Variants in MACROD2 observed in about 807,000 individuals in gnomAD.
MACROD2 encodes the protein ADP-ribose glycohydrolase MACROD2.
A neutral mutation model predicts 70.4 loss-of-function variants in MACROD2; 36 were observed. That is an observed-to-expected ratio of 0.51 (90% CI 0.39 to 0.68). The LOEUF is 0.68. Ranked by LOEUF, MACROD2 falls within the 30% of genes least tolerant of loss-of-function variation. MACROD2 has a pLI of 0.00. For synonymous variants in MACROD2, 172 were observed against 178.8 expected (o/e 0.96, Z 0.30); for missense variants, 496 against 538.4 (o/e 0.92, Z 0.78).
chr20:15,600,200 C>G (rs992245184), intron 8 of MACROD2, among the ~76,000 whole-genome samples: 1 of 152,162 alleles, frequency 6.6e-6, no homozygotes, highest in Non-Finnish European at 1.5e-5. Flanking sequence ...CTAGGTGACA[C>G]TGCTGCTGTG....
Position 15,886,368 on chromosome 20 carries a change from A to G in MACROD2, c.775+557A>G, listed in dbSNP as rs1032929753. Among the ~76,000 whole-genome samples, 6 of 152,248 alleles carry G rather than the reference A, an allele frequency of 3.9e-5. No individual in the cohort carries two copies. In the South Asian group the frequency reaches 1.2e-3, roughly 32 times the overall value. ...AGCTTCCAAAATGAGCTTCTCCTGG[A>G]AAAAGGGAGACACTGTATTCTCAGG... On this transcript the variant is annotated intron_variant, in intron 10 of 17. Transcript: ENST00000684519.
chr20:15,224,863 G>A (rs1601254941), intron 5 of MACROD2, among the ~76,000 whole-genome samples: 1 of 151,974 alleles, frequency 6.6e-6, no homozygotes, highest in East Asian at 1.9e-4. Context: ...AAGAGGCTGA[G>A]GCAGGAGAAT....
intron 7 of MACROD2, among the ~76,000 whole-genome samples, chr20:15,436,289 C>G (rs983681143): frequency 1.3e-5 from 2 of 152,112 alleles, no homozygotes; most frequent in African/African-American, 2.4e-5. Context: ...GCCTCACAAT[C>G]ATGGTGGAAG....
intron 3 of MACROD2, among the ~76,000 whole-genome samples, chr20:14,118,745 C>T (rs2054543794): frequency 6.6e-6 from 1 of 151,814 alleles, no homozygotes; most frequent in Non-Finnish European, 1.5e-5. Flanking sequence ...AAATGGGCTT[C>T]CACAAGTGGC....
chr20:15,684,361 GCCATACCTAAAAGAAAATCC>G (rs1023737154), intron 8 of MACROD2, among the ~76,000 whole-genome samples: 4 of 152,312 alleles, frequency 2.6e-5, no homozygotes, highest in African/African-American at 9.6e-5. Context: ...AGTGCAAAAT[GCCATACCTAAAAGAAAATCC>G]CCAGAGGCTC....
At chr20:14,018,223 T>C (rs370730348) in intron 2 of MACROD2, among the ~76,000 whole-genome samples, 4 of 152,146 alleles carry the variant, frequency 2.6e-5, no homozygotes, top group African/African-American at 7.2e-5. Flanking sequence ...TTGATCTTTT[T>C]AAAGAACTAA....
rs1457761687 is a variant in MACROD2, at chr20:14,869,472, A to G, written c.418+184513A>G. ...TAGGAAACCCACAAAATCATTAGTG[A>G]TGTCCAGGCTTCCTGCAGTGCTGTG... On this transcript the variant is annotated intron_variant, in intron 5 of 17. Transcript: ENST00000684519. Among the ~76,000 whole-genome samples the G allele has an allele frequency of 6.6e-5, 10 of 152,252 alleles. No homozygotes were observed. The South Asian group carries it at 1.7e-3, about 25-fold the overall frequency.
intron 3 of MACROD2, among the ~76,000 whole-genome samples, chr20:14,322,626 C>A (rs2082674653): frequency 6.6e-6 from 1 of 152,034 alleles, no homozygotes; most frequent in Admixed American, 6.6e-5. Context: ...AGCCAAAAGA[C>A]AGAGTGTTGG....
At chr20:14,174,741 G>A (rs1201799496) in intron 3 of MACROD2, among the ~76,000 whole-genome samples, 2 of 152,214 alleles carry the variant, frequency 1.3e-5, no homozygotes, top group African/African-American at 2.4e-5. Flanking sequence ...TTAGCTGGAA[G>A]TTTCCTTCTT....
intron 3 of MACROD2, among the ~76,000 whole-genome samples, chr20:14,424,880 G>C (rs894721195): frequency 6.6e-6 from 1 of 152,138 alleles, no homozygotes; most frequent in African/African-American, 2.4e-5. Flanking sequence ...TCATTTTAGA[G>C]GAACTATAAT....
At position 14,929,004 on chromosome 20, in the gene MACROD2, G is replaced by C. The variant is rs150696480; in HGVS notation, c.418+244045G>C. On this transcript the variant is annotated intron_variant, in intron 5 of 17. Coordinates refer to ENST00000684519, the MANE Select transcript of MACROD2 (RefSeq NM_001351661.2). ...CTTTGCCCTCTTAAGGGAAAAGCAAGGGAGGTTTATGAAGGGCCTTAAAAT... is the reference window on the plus strand; with the variant it reads ...CTTTGCCCTCTTAAGGGAAAAGCAACGGAGGTTTATGAAGGGCCTTAAAAT... 8.5e-5 allele frequency among the ~76,000 whole-genome samples: 13 copies of C among 152,292 alleles called. 1 individual carries two copies. The South Asian group carries it at 2.7e-3, about 32-fold the overall frequency.
intron 3 of MACROD2, among the ~76,000 whole-genome samples, chr20:14,119,850 A>C (rs1323717245): frequency 6.6e-6 from 1 of 152,158 alleles, no homozygotes; most frequent in Non-Finnish European, 1.5e-5. Context: ...AAGGAACTTA[A>C]ATTTATAAGA....
chr20:14,664,533 G>A (rs2070716032), intron 4 of MACROD2, among the ~76,000 whole-genome samples: 1 of 152,022 alleles, frequency 6.6e-6, no homozygotes, highest in African/African-American at 2.4e-5. Flanking sequence ...CAACACGTTA[G>A]TTTTGGTGAC....
intron 6 of MACROD2, among the ~76,000 whole-genome samples, chr20:15,391,899 AC>A (rs1208496418): frequency 6.6e-6 from 1 of 152,222 alleles, no homozygotes; most frequent in Non-Finnish European, 1.5e-5. Flanking sequence ...ACAAAGCAAA[AC>A]AAAGCCTAGA....
chr20:14,665,694 AT>A (rs906419701), intron 4 of MACROD2, among the ~76,000 whole-genome samples: 5 of 151,844 alleles, frequency 3.3e-5, no homozygotes, highest in South Asian at 4.2e-4. Context: ...GTATATTAGA[AT>A]TTTTTTTCCT....
chr20:14,330,621 C>G (rs994395127), intron 3 of MACROD2, among the ~76,000 whole-genome samples: 8 of 152,060 alleles, frequency 5.3e-5, no homozygotes, highest in African/African-American at 1.7e-4. Flanking sequence ...AAAACAATTA[C>G]AGATACATAT....
intron 16 of MACROD2, among the ~76,000 whole-genome samples, chr20:16,041,716 C>G (rs1441019527): frequency 6.6e-6 from 1 of 152,020 alleles, no homozygotes; most frequent in Non-Finnish European, 1.5e-5. Context: ...CTTCACTCCA[C>G]TGTATCACAT....
chr20:14,465,844 G>T (rs1600267208), intron 3 of MACROD2, among the ~76,000 whole-genome samples: 2 of 152,118 alleles, frequency 1.3e-5, no homozygotes, highest in African/African-American at 4.8e-5. Flanking sequence ...TTTTCTTTAA[G>T]AATGTTGAAT....
intron 3 of MACROD2, among the ~76,000 whole-genome samples, chr20:14,211,424 TC>T (rs2081569828): frequency 6.6e-6 from 1 of 152,194 alleles, no homozygotes; most frequent in African/African-American, 2.4e-5. Context: ...TTAATGTGCA[TC>T]TTTATACATT....
Sources: gnomAD v4.1 joint callset for allele counts (sites outside exome capture counted in the v4.1 genomes callset) on GRCh38, gnomAD v4.1.1 for gene constraint, MANE v1.5 for transcripts, NCBI Gene and HGNC (gene_info 2026-07-23, HGNC 2026-07-21) for gene names.